Variants in KALRN observed in about 807,000 individuals in gnomAD.
KALRN encodes kalirin.
Under a neutral mutation model 353.7 loss-of-function variants are expected in KALRN, and 70 were observed. That is an observed-to-expected ratio of 0.20 (90% CI 0.16 to 0.24). The LOEUF is 0.24. Among genes scored for constraint, KALRN ranks in the 10% least tolerant of loss-of-function variants. KALRN has a pLI of 1.00. For missense variants in KALRN, 2,791 were observed against 3,756.7 expected (o/e 0.74, Z 6.72); for synonymous variants, 1,391 against 1,434.8 (o/e 0.97, Z 0.69).
intron 34 of KALRN, among the ~76,000 whole-genome samples, chr3:124,622,368 G>A (rs995823763): frequency 1.2e-4 from 19 of 152,152 alleles, no homozygotes; most frequent in African/African-American, 4.6e-4. Flanking sequence ...GGTTTATATG[G>A]AGCAACTGGA....
At position 124,566,961 on chromosome 3, in the gene KALRN, G is replaced by A. The variant is rs750615044; in HGVS notation, c.5182+3872G>A. 8.3e-4 allele frequency among the ~76,000 whole-genome samples: 127 copies of A among 152,148 alleles called. 2 individuals carry two copies. Among genetic ancestry groups the A allele is most frequent in the Non-Finnish European group, 3.5e-4 (24 of 68,014 alleles). On this transcript the variant is annotated intron_variant, in intron 34 of 59. Transcript: ENST00000682506. ...GCAGGCTGTGTGAAGCAGGGACTAT[G>A]TGTGAGGGCTAAGCACCTTGTGAGT...
intron 11 of KALRN, 96 bp downstream of exon 11, chr3:124,385,132 T>A: frequency 9.6e-7 from 1 of 1,039,430 alleles, no homozygotes; most frequent in Non-Finnish European, 1.4e-6. Flanking sequence ...GGGTCCTGGG[T>A]AGTCTGGGGG....
At chr3:124,140,122 C>T (rs1399895697) in intron 1 of KALRN, among the ~76,000 whole-genome samples, 6 of 152,206 alleles carry the variant, frequency 3.9e-5, no homozygotes, top group South Asian at 2.1e-4. Context: ...TTTGCCAGTC[C>T]GGTCAATCGT....
intron 14 of KALRN, among the ~76,000 whole-genome samples, chr3:124,418,230 A>G (rs1011681536): frequency 3.9e-5 from 6 of 152,146 alleles, no homozygotes; most frequent in African/African-American, 1.2e-4. Context: ...CGAAGGGAAG[A>G]AGAAACCTTG....
At chr3:124,070,563 C>T (rs901002037) in intron 1 of KALRN, among the ~76,000 whole-genome samples, 3 of 152,230 alleles carry the variant, frequency 2.0e-5, no homozygotes, top group Non-Finnish European at 4.4e-5. Context: ...CATTCCATGA[C>T]TTGTCATCAC....
intron 34 of KALRN, among the ~76,000 whole-genome samples, chr3:124,603,362 T>A (rs1203191862): frequency 6.6e-6 from 1 of 152,328 alleles, no homozygotes; most frequent in East Asian, 1.9e-4. Context: ...CAGCCTCTAA[T>A]TGATTCACTT....
chr3:124,474,440 G>A (rs572066550), intron 25 of KALRN, among the ~76,000 whole-genome samples: 3 of 89,762 alleles, frequency 3.3e-5, no homozygotes, highest in Admixed American at 1.5e-4. Context: ...TGTTCACTCC[G>A]AGAGAAAGAA....
chr3:124,313,858 A>G (rs1300290696), intron 6 of KALRN, among the ~76,000 whole-genome samples: 1 of 152,106 alleles, frequency 6.6e-6, no homozygotes. Context: ...GTTATCAAAT[A>G]ATTAGCCTGT....
rs549794231 is a variant in KALRN, at chr3:124,237,671, CT to C, written c.263+2729del. 6.6e-5 allele frequency among the ~76,000 whole-genome samples: 10 copies of C among 152,266 alleles called. No individual in the cohort carries two copies. In the South Asian group the frequency reaches 1.9e-3, roughly 28 times the overall value. On this transcript the variant is annotated intron_variant, in intron 3 of 59. Transcript: ENST00000682506. ...AGCCACCTCTCCTGACCAACATTTG[CT>C]ACCTATTTATTCATGCATTTATTCA...
At chr3:124,683,297 A>G (rs1029841356) in intron 51 of KALRN, among the ~76,000 whole-genome samples, 2 of 152,154 alleles carry the variant, frequency 1.3e-5, no homozygotes, top group East Asian at 3.8e-4. Flanking sequence ...CGGTATCTGC[A>G]CTGACACCCC....
At chr3:124,607,178 T>A (rs1459945508) in intron 34 of KALRN, among the ~76,000 whole-genome samples, 1 of 152,224 alleles carries the variant, frequency 6.6e-6, no homozygotes, top group African/African-American at 2.4e-5. Flanking sequence ...GGGGAATGAT[T>A]GTGGTATAAT....
chr3:124,414,511 C>T (rs1167575591), intron 14 of KALRN, among the ~76,000 whole-genome samples: 1 of 152,192 alleles, frequency 6.6e-6, no homozygotes, highest in Non-Finnish European at 1.5e-5. Flanking sequence ...TATAACTTCT[C>T]AGAAAAACAC....
At chr3:124,285,707 T>G (rs571475770) in intron 5 of KALRN, among the ~76,000 whole-genome samples, 6 of 152,262 alleles carry the variant, frequency 3.9e-5, no homozygotes, top group African/African-American at 1.2e-4. Context: ...GGCTAATTTT[T>G]GTATTTTTAG....
chr3:124,427,700 T>G (rs1454967370), intron 15 of KALRN, among the ~76,000 whole-genome samples: 2 of 152,226 alleles, frequency 1.3e-5, no homozygotes, highest in African/African-American at 4.8e-5. Flanking sequence ...GCCTAGCTCT[T>G]AAGTCCCCAA....
chr3:124,385,902 C>A (rs1317704350), intron 11 of KALRN, among the ~76,000 whole-genome samples: 3 of 152,038 alleles, frequency 2.0e-5, no homozygotes, highest in Non-Finnish European at 4.4e-5. Context: ...CTTGTGTCCC[C>A]CCCCAGGAAT....
chr3:124,675,925 C>T (rs1229228413), intron 49 of KALRN, among the ~76,000 whole-genome samples: 1 of 152,204 alleles, frequency 6.6e-6, no homozygotes, highest in Non-Finnish European at 1.5e-5. Context: ...ACTGACATCA[C>T]CCTGGCCTCA....
intron 1 of KALRN, among the ~76,000 whole-genome samples, chr3:124,215,686 G>A (rs2077266325): frequency 6.6e-6 from 1 of 152,148 alleles, no homozygotes; most frequent in East Asian, 1.9e-4. Flanking sequence ...ATAAATACTG[G>A]AGCTGGGAGT....
intron 33 of KALRN, among the ~76,000 whole-genome samples, chr3:124,545,285 T>C (rs1213817846): frequency 2.6e-5 from 4 of 152,246 alleles, no homozygotes; most frequent in Non-Finnish European, 5.9e-5. Flanking sequence ...TGAGGTCTCT[T>C]ATGTTCTTCC....
intron 1 of KALRN, among the ~76,000 whole-genome samples, chr3:124,147,030 T>C (rs1343280340): frequency 3.3e-5 from 5 of 152,138 alleles, no homozygotes; most frequent in African/African-American, 1.2e-4. Context: ...TTATATAAAT[T>C]ATTTTATTGT....
Sources: allele counts gnomAD v4.1 joint callset (sites outside exome capture counted in the v4.1 genomes callset), GRCh38; gene constraint gnomAD v4.1.1; transcripts MANE v1.5; gene names NCBI Gene and HGNC (gene_info 2026-07-23, HGNC 2026-07-21).